The following PDE4C variants were observed in gnomAD, a reference collection of about 807,000 sequenced individuals.
The protein encoded by PDE4C is 3',5'-cyclic-AMP phosphodiesterase 4C.
In PDE4C, 50 loss-of-function variants were observed where a neutral mutation model predicts 63.9. The ratio of observed to expected loss-of-function variants is 0.78; its 90% CI spans 0.62 to 0.99. The LOEUF (loss-of-function observed/expected upper bound fraction) is 0.99, where lower values mean the gene tolerates loss of function less well. Ranked by LOEUF, PDE4C falls within the 50% of genes least tolerant of loss-of-function variation. PDE4C has a pLI of 0.00. For synonymous variants in PDE4C, 377 were observed against 385.1 expected, an observed-to-expected ratio of 0.98 and a Z score of 0.25; for missense variants, 777 against 899.1, an observed-to-expected ratio of 0.86 and a Z score of 1.74.
At chr19:18,239,440 C>T (rs537375394) in intron 1 of PDE4C, among the ~76,000 whole-genome samples, 4 of 152,312 alleles carry the variant, frequency 2.6e-5, no homozygotes, top group South Asian at 2.1e-4. Context: ...CCAGGGCAAG[C>T]GGCCTCAGTT....
intron 12 of PDE4C, among the ~76,000 whole-genome samples, chr19:18,216,485 G>T (rs112310788): frequency 1.4e-3 from 214 of 150,662 alleles, no homozygotes; most frequent in African/African-American, 5.1e-3. Flanking sequence ...ATGTTGGTCA[G>T]GCTGGTCTCG....
upstream of PDE4C, chr19:18,226,513 G>T (rs768211187): frequency 2.9e-5 from 29 of 986,844 alleles, 1 homozygote; most frequent in Non-Finnish European, 3.2e-5. Context: ...GGCAAAGGGC[G>T]CATCGGCCCC....
chr19:18,218,974 C>G, exon 9 of PDE4C: 3 of 1,613,296 alleles, frequency 1.9e-6, no homozygotes, highest in Non-Finnish European at 2.5e-6. Flanking sequence ...TGTGAGGGGC[C>G]GGTTCCCACT....
chr19:18,244,236 A>G (rs1431536032), intron 1 of PDE4C, among the ~76,000 whole-genome samples: 1 of 151,326 alleles, frequency 6.6e-6, no homozygotes, highest in Non-Finnish European at 1.5e-5. Context: ...GCCTGATGGG[A>G]GGCTCCTGGG....
In PDE4C at chr19:18,220,685, A is replaced by G. The variant is rs1968422895; in HGVS notation, c.500-170T>C. On this transcript the variant is annotated intron_variant, in intron 5 of 14. Transcript: ENST00000262805. This position sits in a 1 kb window ranked among gnomAD's most constrained non-coding sequence, Gnocchi z 5.1. The stretch of plus-strand genomic sequence containing the variant: ...CCCCGAGTGCCTGTGTGACCATGAG[A>G]TCTCTGGGCCTCAGCCTCCTCATCT... The G allele has an allele frequency of 1.3e-6, 1 of 781,824 alleles. No individual in the cohort carries two copies. Among genetic ancestry groups the G allele is most frequent in the African/African-American group, 1.7e-5 (1 of 57,794 alleles). The allele number at this position is 781,824 out of a possible 1,614,324, so 48.4% of individuals were successfully genotyped here. A position where few individuals can be genotyped will look rare whatever the true frequency, so the allele number is the denominator to read the frequency against.
chr19:18,213,780 C>A (rs1230138023), intron 12 of PDE4C, among the ~76,000 whole-genome samples: 3 of 152,208 alleles, frequency 2.0e-5, no homozygotes, highest in African/African-American at 7.2e-5. Flanking sequence ...CAGACAGAGT[C>A]TCCCACAGTG....
chr19:18,236,729 A>G (rs271831), upstream of PDE4C: 92,088 of 152,070 alleles, frequency 0.61, 28,081 homozygotes, highest in Middle Eastern at 0.72. Context: ...TGTGCCAAGT[A>G]CAGGGCCTGG....
At chr19:18,236,344 A>G (rs1015785156), upstream of PDE4C, among the ~76,000 whole-genome samples, 3 of 150,960 alleles carry the variant, frequency 2.0e-5, no homozygotes, top group Admixed American at 1.3e-4. Flanking sequence ...GGTTCAAACA[A>G]TTCTGCTCCT....
chr19:18,221,590 T>C (rs4808764), intron 2 of PDE4C, among the ~76,000 whole-genome samples: 85,393 of 151,868 alleles, frequency 0.56, 24,881 homozygotes, highest in Non-Finnish European at 0.63. Context: ...CTTCATTTGC[T>C]GCTAATTGGC....
At chr19:18,247,792 C>T (rs1310402520) in intron 1 of PDE4C, among the ~76,000 whole-genome samples, 3 of 152,166 alleles carry the variant, frequency 2.0e-5, no homozygotes, top group Non-Finnish European at 4.4e-5. Flanking sequence ...CCCTGTGGGA[C>T]ACCCCCTAGA....
upstream of PDE4C, chr19:18,250,124 C>T: frequency 2.5e-6 from 1 of 398,774 alleles, no homozygotes; most frequent in Non-Finnish European, 4.4e-6. Context: ...GTTGGCTCCT[C>T]AGGGCTCACT....
At chr19:18,216,622 T>C (rs1415748358) in intron 12 of PDE4C, 119 bp downstream of exon 12, 10 of 983,274 alleles carry the variant, frequency 1.0e-5, no homozygotes, top group Admixed American at 7.2e-5. Flanking sequence ...AGTGAGGACA[T>C]GCCTGGGTCT....
chr19:18,211,874 T>C lies in PDE4C; in HGVS notation c.1580A>G (p.Gln527Arg), dbSNP rs748037751. Reference sequence around the variant, plus strand: ...CTCGGCCATGATGCGGTCCGTCCACTGGCGGTACAGGGGCAGCGGCTTGGT... The same window carrying C: ...CTCGGCCATGATGCGGTCCGTCCACCGGCGGTACAGGGGCAGCGGCTTGGT... Residue 527 changes from glutamine (Q) to arginine (R), a missense_variant, in exon 14 of 15, where the codon CAG becomes CGG. Transcript: ENST00000262805. The C allele has an allele frequency of 6.2e-6, 10 of 1,614,208 alleles. No homozygotes were observed. The Admixed American group carries it at 1.0e-4, about 16-fold the overall frequency.
At chr19:18,232,967 G>A (rs562942696) in exon 1 of PDE4C, 19 of 1,463,870 alleles carry the variant, frequency 1.3e-5, no homozygotes, top group Non-Finnish European at 1.7e-5. Flanking sequence ...AGGAGGAAAC[G>A]GGCCAGGAGA....
chr19:18,219,320 G>A (rs1968358377), exon 8 of PDE4C: 1 of 1,614,124 alleles, frequency 6.2e-7, no homozygotes, highest in Non-Finnish European at 8.5e-7. Flanking sequence ...CAGAGCCCAT[G>A]TAGGCCACTG....
At position 18,222,292 on chromosome 19, in the gene PDE4C, TCCCACACGAGAGC is replaced by T; in HGVS notation, c.165_177del (p.Leu56GlyfsTer59). On this transcript the variant is annotated frameshift_variant, in exon 2 of 15. Transcript: ENST00000262805. LOFTEE classifies it high-confidence loss of function. Reference sequence around the variant, plus strand: ...CTGGACTGAGGGTCCAGGGCCCTCCTCCCACACGAGAGCCCATTTTCCAGGTCAAAGCTGAAAG... The same window carrying T: ...CTGGACTGAGGGTCCAGGGCCCTCCTCCATTTTCCAGGTCAAAGCTGAAAG... 6.2e-7 allele frequency: 1 copy of T among 1,612,216 alleles called. No homozygotes were observed. Among genetic ancestry groups the T allele is most frequent in the South Asian group, 1.1e-5 (1 of 90,992 alleles).
intron 1 of PDE4C, among the ~76,000 whole-genome samples, chr19:18,238,683 T>C (rs1968992321): frequency 6.6e-6 from 1 of 152,128 alleles, no homozygotes; most frequent in South Asian, 2.1e-4. Context: ...GAGATTCCAA[T>C]ATATTATTTA....
chr19:18,225,234 C>T (rs1201787557), intron 1 of PDE4C, among the ~76,000 whole-genome samples: 2 of 152,176 alleles, frequency 1.3e-5, no homozygotes, highest in African/African-American at 4.8e-5. Flanking sequence ...CAGGGAGGCT[C>T]GGACTTGGGT....
upstream of PDE4C, among the ~76,000 whole-genome samples, chr19:18,229,729 G>A (rs1968812186): frequency 6.6e-6 from 1 of 152,032 alleles, no homozygotes; most frequent in South Asian, 2.1e-4. Context: ...CCCCACGGAG[G>A]AGTCAAGCAG....
Sources: allele counts gnomAD v4.1 joint callset (sites outside exome capture counted in the v4.1 genomes callset), GRCh38; gene constraint gnomAD v4.1.1; non-coding constraint Gnocchi (gnomAD v3.1); transcripts MANE v1.5; gene names NCBI Gene and HGNC (gene_info 2026-07-23, HGNC 2026-07-21).